Variants in DGLUCY observed in about 807,000 individuals in gnomAD.
The protein encoded by DGLUCY is D-glutamate cyclase, mitochondrial.
A neutral mutation model predicts 58.5 loss-of-function variants in DGLUCY; 58 were observed. The observed-to-expected ratio is 0.99, with a 90% confidence interval of 0.80 to 1.23. The LOEUF is 1.23. DGLUCY is among the 50% of genes most tolerant of loss of function. The pLI, the probability that DGLUCY is intolerant of heterozygous loss-of-function variation, is 0.00. For synonymous variants in DGLUCY, 325 were observed against 314.1 expected (o/e 1.03, Z -0.37); for missense variants, 779 against 784.7 (o/e 0.99, Z 0.09).
chr14:91,162,635 G>T (rs939673573), intron 3 of DGLUCY, among the ~76,000 whole-genome samples: 4 of 152,266 alleles, frequency 2.6e-5, no homozygotes, highest in African/African-American at 9.6e-5. Flanking sequence ...GGTGGCGCAC[G>T]CCTGTAATCC....
At chr14:91,190,074 G>T (rs374062339) in intron 9 of DGLUCY, among the ~76,000 whole-genome samples, 1 of 136,578 alleles carries the variant, frequency 7.3e-6, no homozygotes, top group East Asian at 2.5e-4. Flanking sequence ...TGCAAGCTCC[G>T]CCTCCCGGGT....
At chr14:91,217,417 A>G (rs1399392141) in intron 13 of DGLUCY, among the ~76,000 whole-genome samples, 3 of 151,296 alleles carry the variant, frequency 2.0e-5, no homozygotes, top group Non-Finnish European at 2.9e-5. Context: ...GTCCCCTGCC[A>G]GTGGGCAGGC....
intron 1 of DGLUCY, among the ~76,000 whole-genome samples, chr14:91,066,642 A>G (rs1397812656): frequency 6.6e-6 from 1 of 152,192 alleles, no homozygotes. Context: ...CAAAGGAAAA[A>G]GAAAAACCAC....
At chr14:91,101,425 TG>T (rs2044484741) in intron 1 of DGLUCY, among the ~76,000 whole-genome samples, 1 of 152,202 alleles carries the variant, frequency 6.6e-6, no homozygotes, top group South Asian at 2.1e-4. Context: ...AGAGCCCCTG[TG>T]TGAGGTTAGG....
intron 1 of DGLUCY, among the ~76,000 whole-genome samples, chr14:91,078,217 C>T (rs529789470): frequency 2.0e-5 from 3 of 152,138 alleles, no homozygotes; most frequent in Non-Finnish European, 2.9e-5. Flanking sequence ...TTAGTAGAGA[C>T]GGGGTTTCGC....
Position 91,224,737 on chromosome 14 carries a change from G to A in DGLUCY, c.1770G>A (p.Ser590=), listed in dbSNP as rs769493671. 1.2e-5 allele frequency: 19 copies of A among 1,613,304 alleles called. No homozygotes were observed. Among genetic ancestry groups the A allele is most frequent in the Middle Eastern group, 1.6e-4 (1 of 6,078 alleles). Residue 590 remains serine, a synonymous_variant, in exon 14 of 14, where the codon TCG becomes TCA. Coordinates refer to ENST00000256324, the MANE Select transcript of DGLUCY (RefSeq NM_001102368.3). The part of the protein sequence containing the change: ...LVQHKVRSGV[S]GIVGMEVDGL... ...AGCACAAAGTCCGGAGTGGCGTCTC[G>A]GGCATCGTGGGCATGGAGGTGGATG... is the stretch of plus-strand genomic sequence containing the variant.
At chr14:91,157,836 A>G (rs896873197) in intron 2 of DGLUCY, 146 bp downstream of exon 2, 2 of 152,224 alleles carry the variant, frequency 1.3e-5, no homozygotes, top group Non-Finnish European at 2.9e-5. Flanking sequence ...CTAGAAATCA[A>G]CTTACATTTA....
intron 7 of DGLUCY, among the ~76,000 whole-genome samples, chr14:91,180,466 G>C (rs574077627): frequency 6.6e-6 from 1 of 151,606 alleles, no homozygotes; most frequent in East Asian, 2.0e-4. Context: ...CAGCTACTCA[G>C]GAGGCTGAGG....
chr14:91,184,574 A>G (rs2049369520), intron 8 of DGLUCY, among the ~76,000 whole-genome samples: 1 of 65,046 alleles, frequency 1.5e-5, no homozygotes, highest in Non-Finnish European at 2.9e-5. Flanking sequence ...AAAGAAAGAA[A>G]GTTGGGGGGG....
At chr14:91,092,260 C>G (rs1246207622) in intron 1 of DGLUCY, among the ~76,000 whole-genome samples, 1 of 152,174 alleles carries the variant, frequency 6.6e-6, no homozygotes, top group Non-Finnish European at 1.5e-5. Flanking sequence ...GTGTGCAGGA[C>G]AGAAACTATC....
At chr14:91,092,331 G>C (rs938910878) in intron 1 of DGLUCY, among the ~76,000 whole-genome samples, 1 of 152,158 alleles carries the variant, frequency 6.6e-6, no homozygotes, top group African/African-American at 2.4e-5. Flanking sequence ...CAAACTTGTA[G>C]TAGGTGTTCA....
intron 1 of DGLUCY, among the ~76,000 whole-genome samples, chr14:91,089,175 C>A (rs1485225839): frequency 6.6e-6 from 1 of 152,230 alleles, no homozygotes; most frequent in Non-Finnish European, 1.5e-5. Flanking sequence ...CACCATGGGA[C>A]AGTAAGTTTC....
chr14:91,164,242 G>A (rs1034089326), intron 3 of DGLUCY, among the ~76,000 whole-genome samples: 5 of 152,142 alleles, frequency 3.3e-5, no homozygotes, highest in Admixed American at 6.5e-5. Flanking sequence ...GAGCCACCAC[G>A]CCCGGCCCAA....
chr14:91,137,915 A>G lies in DGLUCY; in HGVS notation c.-81-19724A>G, dbSNP rs565909989. ...TAACATCTTGCTTCTGAGCCCCCCAATGTCCTTCAGTTCAAACTACTCAGC... is the reference window on the plus strand; with the variant it reads ...TAACATCTTGCTTCTGAGCCCCCCAGTGTCCTTCAGTTCAAACTACTCAGC... On this transcript the variant is annotated intron_variant, in intron 1 of 13. Transcript: ENST00000256324. Among the ~76,000 whole-genome samples the G allele has an allele frequency of 1.1e-4, 17 of 152,180 alleles. No homozygotes were observed. The East Asian group carries it at 2.1e-3, about 19-fold the overall frequency.
At chr14:91,202,884 C>T (rs2050661735) in intron 11 of DGLUCY, among the ~76,000 whole-genome samples, 2 of 152,192 alleles carry the variant, frequency 1.3e-5, no homozygotes, top group African/African-American at 4.8e-5. Context: ...TCCTGTGGCC[C>T]CCGCCGCCCC....
chr14:91,183,470 T>C (rs981715760), intron 8 of DGLUCY, among the ~76,000 whole-genome samples: 1 of 152,184 alleles, frequency 6.6e-6, no homozygotes, highest in African/African-American at 2.4e-5. Context: ...CATGAGAGAA[T>C]TACGGTGTAG....
chr14:91,176,594 T>G (rs537244977), intron 7 of DGLUCY, among the ~76,000 whole-genome samples: 2 of 152,298 alleles, frequency 1.3e-5, no homozygotes, highest in East Asian at 3.9e-4. Flanking sequence ...TCAATTTTTT[T>G]GTCGTTGGTT....
intron 1 of DGLUCY, among the ~76,000 whole-genome samples, chr14:91,127,495 C>T (rs1849614482): frequency 6.6e-6 from 1 of 152,274 alleles, no homozygotes; most frequent in African/African-American, 2.4e-5. Flanking sequence ...CTTCAGACTG[C>T]AGCCTTCTGG....
At chr14:91,178,114 C>T (rs941750386) in intron 7 of DGLUCY, among the ~76,000 whole-genome samples, 2 of 152,238 alleles carry the variant, frequency 1.3e-5, no homozygotes, top group East Asian at 3.9e-4. Context: ...CACAATTGAT[C>T]GTAGATGAGA....
Sources: allele counts gnomAD v4.1 joint callset (sites outside exome capture counted in the v4.1 genomes callset), GRCh38; gene constraint gnomAD v4.1.1; transcripts MANE v1.5; gene names NCBI Gene and HGNC (gene_info 2026-07-23, HGNC 2026-07-21).